The following DOCK8 variants were observed in gnomAD, a reference collection of about 807,000 sequenced individuals.
DOCK8 encodes the protein dedicator of cytokinesis protein 8.
A neutral mutation model predicts 245.6 loss-of-function variants in DOCK8; 141 were observed. The ratio of observed to expected loss-of-function variants is 0.57; its 90% CI spans 0.50 to 0.66. DOCK8 has a LOEUF of 0.66. DOCK8 is among the 30% of genes least tolerant of loss of function. The pLI, the probability that DOCK8 is intolerant of heterozygous loss-of-function variation, is 0.00. For missense variants in DOCK8, 2,965 were observed against 2,603.4 expected, an observed-to-expected ratio of 1.14 and a Z score of -3.02; for synonymous variants, 1,168 against 970.2, an observed-to-expected ratio of 1.20 and a Z score of -3.79.
chr9:285,216 G>A (rs1053506663), intron 2 of DOCK8, among the ~76,000 whole-genome samples: 17 of 152,230 alleles, frequency 1.1e-4, no homozygotes, highest in African/African-American at 4.1e-4. Context: ...AGTGGGGAGG[G>A]GACGAGGCCT....
At position 414,854 on chromosome 9, in the gene DOCK8, C is replaced by G. The variant is rs149908718; in HGVS notation, c.3603C>G (p.Arg1201=). The change falls in exon 29 of 48, where the codon CGC becomes CGG. Residue 1201 remains arginine (R), a synonymous_variant. Transcript: ENST00000432829. ...SLLSSHDLDP[R]CVKPEVKVKI... ...TAAGTTCTCACGACCTGGACCCACG[C>G]TGTGTCAAACCAGAGGTGAAGGTCA... 4.9e-5 allele frequency: 79 copies of G among 1,614,240 alleles called. 1 individual carries two copies. In the East Asian group the frequency reaches 1.5e-3, roughly 30 times the overall value.
chr9:323,681 G>T (rs2050625841), intron 7 of DOCK8, among the ~76,000 whole-genome samples: 1 of 152,022 alleles, frequency 6.6e-6, no homozygotes, highest in Non-Finnish European at 1.5e-5. Flanking sequence ...CTACTCCCCA[G>T]CCCCTGGCAA....
intron 26 of DOCK8, among the ~76,000 whole-genome samples, chr9:402,584 A>T (rs2055162600): frequency 6.6e-6 from 1 of 152,232 alleles, no homozygotes; most frequent in African/African-American, 2.4e-5. Flanking sequence ...TAGATACAGG[A>T]TGAACTTCAT....
chr9:326,523 G>C (rs2050773938), intron 8 of DOCK8, among the ~76,000 whole-genome samples: 1 of 152,160 alleles, frequency 6.6e-6, no homozygotes, highest in African/African-American at 2.4e-5. Flanking sequence ...AGTCCAGGTG[G>C]GGCCTGAGAA....
chr9:318,788 G>C (rs1290761657), intron 7 of DOCK8, among the ~76,000 whole-genome samples: 2 of 152,194 alleles, frequency 1.3e-5, no homozygotes, highest in African/African-American at 4.8e-5. Flanking sequence ...CATTGTTTAG[G>C]AAGCCTTCGC....
chr9:438,824 A>G (rs1019828479), intron 39 of DOCK8, among the ~76,000 whole-genome samples: 1 of 152,222 alleles, frequency 6.6e-6, no homozygotes, highest in Admixed American at 6.5e-5. Flanking sequence ...AGTCAACTCC[A>G]GAGTAGCAAC....
intron 1 of DOCK8, among the ~76,000 whole-genome samples, chr9:235,795 C>A: frequency 6.6e-6 from 1 of 152,254 alleles, no homozygotes; most frequent in Non-Finnish European, 1.5e-5. Flanking sequence ...TTCCGGGTGC[C>A]GTCTGTCACC....
At chr9:374,234 C>T (rs1383251866) in intron 18 of DOCK8, among the ~76,000 whole-genome samples, 2 of 152,092 alleles carry the variant, frequency 1.3e-5, no homozygotes, top group Non-Finnish European at 2.9e-5. Flanking sequence ...CCTGCACTGT[C>T]TGATAAGATA....
intron 1 of DOCK8, among the ~76,000 whole-genome samples, chr9:255,744 C>G (rs1314433521): frequency 6.7e-6 from 1 of 149,772 alleles, no homozygotes; most frequent in Non-Finnish European, 1.5e-5. Flanking sequence ...GTCCTCTAGT[C>G]TCTTATCATT....
At chr9:294,895 C>G (rs1003189511) in intron 4 of DOCK8, among the ~76,000 whole-genome samples, 2 of 152,198 alleles carry the variant, frequency 1.3e-5, no homozygotes, top group African/African-American at 4.8e-5. Flanking sequence ...CATGGTGGCT[C>G]ATGCCTGTAA....
Position 382,616 on chromosome 9 carries a change from C to T in DOCK8, c.2709C>T (p.Ser903=). The T allele has an allele frequency of 1.9e-6, 3 of 1,614,160 alleles. No homozygotes were observed. The highest frequency in any genetic ancestry group is 1.7e-6 in the Non-Finnish European group (2 of 1,180,038). The stretch of plus-strand genomic sequence containing the variant: ...TGCTGCAGGCCCGGGTGATGAGCAG[C>T]AGTAACCCAGACCTCGCGGGGACAC... ...SKLLQARVMS[S]SNPDLAGTHS... The change falls in exon 22 of 48, where the codon AGC becomes AGT. Residue 903 remains serine, a synonymous_variant. Transcript: ENST00000432829.
chr9:453,760 C>A lies in DOCK8; in HGVS notation c.6068+1643C>A, dbSNP rs10814974. On this transcript the variant is annotated intron_variant, in intron 46 of 47. Transcript: ENST00000432829. ...TATTTTTTGTGGAGACAGGGTCTCA[C>A]TATGCCGTCTAGGCTGGTCTTGAAT... Among the ~76,000 whole-genome samples the A allele has an allele frequency of 4.6e-5, 7 of 152,096 alleles. No individual in the cohort carries two copies. The East Asian group carries it at 1.4e-3, about 29-fold the overall frequency.
In DOCK8 at chr9:390,396, A is replaced by G. The variant is rs781735888; in HGVS notation, c.2875-75A>G. On this transcript the variant is annotated intron_variant, in intron 23 of 47. Transcript: ENST00000432829. ...ACAAGCTATTAAATTGGGGGGAATA[A>G]AAGAAAAGAAAAAAAGTGTTGGTGA... The G allele has an allele frequency of 8.0e-6, 11 of 1,381,150 alleles. No homozygotes were observed. The South Asian group carries it at 1.3e-4, about 16-fold the overall frequency. 85.6% of individuals were successfully genotyped at this position (1,381,150 alleles called of 1,614,324 possible).
intron 14 of DOCK8, among the ~76,000 whole-genome samples, chr9:358,057 GA>G (rs1211840597): frequency 6.6e-6 from 1 of 152,142 alleles, no homozygotes; most frequent in Non-Finnish European, 1.5e-5. Context: ...TCACATTTAT[GA>G]ACCTTCTCAT....
intron 6 of DOCK8, among the ~76,000 whole-genome samples, chr9:315,337 G>A (rs2050297043): frequency 6.6e-6 from 1 of 152,148 alleles, no homozygotes; most frequent in Non-Finnish European, 1.5e-5. Flanking sequence ...TTGGGAATTA[G>A]TTGCCATTTC....
intron 27 of DOCK8, among the ~76,000 whole-genome samples, chr9:406,536 TAAAC>T (rs1191842106): frequency 6.6e-6 from 1 of 150,834 alleles, no homozygotes; most frequent in Non-Finnish European, 1.5e-5. Context: ...AGCAGGGCCT[TAAAC>T]AAAGGGGGCA....
intron 3 of DOCK8, among the ~76,000 whole-genome samples, chr9:289,182 T>A (rs987831058): frequency 2.6e-4 from 39 of 152,230 alleles, no homozygotes; most frequent in African/African-American, 9.4e-4. Flanking sequence ...TAGGTATTTA[T>A]ACTTATTTTC....
chr9:337,977 AC>A (rs1335788891), intron 12 of DOCK8, among the ~76,000 whole-genome samples: 3 of 151,952 alleles, frequency 2.0e-5, no homozygotes, highest in Admixed American at 6.6e-5. Flanking sequence ...AACATGGTGA[AC>A]CCCCGTCTCT....
chr9:398,917 T>A (rs2054595306), intron 25 of DOCK8, among the ~76,000 whole-genome samples: 1 of 152,044 alleles, frequency 6.6e-6, no homozygotes, highest in South Asian at 2.1e-4. Context: ...GAAAAAAAAG[T>A]GACTGGAAGG....
Sources: allele counts gnomAD v4.1 joint callset (sites outside exome capture counted in the v4.1 genomes callset), GRCh38; gene constraint gnomAD v4.1.1; transcripts MANE v1.5; gene names NCBI Gene and HGNC (gene_info 2026-07-23, HGNC 2026-07-21).